The following PDE4D variants were observed in gnomAD, a reference collection of about 807,000 sequenced individuals.
PDE4D encodes phosphodiesterase 4D.
In PDE4D, 24 loss-of-function variants were observed where a neutral mutation model predicts 87.4. The ratio of observed to expected loss-of-function variants is 0.27; its 90% confidence interval spans 0.20 to 0.39. PDE4D has a LOEUF of 0.39. Ranked by LOEUF, PDE4D falls within the 10% of genes least tolerant of loss-of-function variation. The probability of loss-of-function intolerance (pLI) is 1.00; values close to 1 mark genes in which losing one functional copy is unlikely to be tolerated. For synonymous variants in PDE4D, 384 were observed against 383.2 expected (o/e 1.00, Z -0.02); for missense variants, 714 against 1,041.0 (o/e 0.69, Z 4.32).
At position 58,975,621 on chromosome 5, in the gene PDE4D, C is replaced by T. The variant is rs540410551; in HGVS notation, c.2013+36G>A. 2.8e-6 allele frequency: 4 copies of T among 1,446,668 alleles called. No homozygotes were observed. The highest frequency in any genetic ancestry group is 3.7e-6 in the Non-Finnish European group (4 of 1,083,156). 89.6% of individuals were successfully genotyped at this position (1,446,668 alleles called of 1,614,324 possible). A position where few individuals can be genotyped will look rare whatever the true frequency, so the allele number is the denominator to read the frequency against. ...GTAACCAAATGCTAAAGCGGTAGCT[C>T]TGTTCTCTCTGAAAGCTATACACTT... On this transcript the variant is annotated intron_variant, in intron 14 of 14. Coordinates refer to ENST00000340635, the MANE Select transcript of PDE4D (RefSeq NM_001104631.2). This position sits in a 1 kb window ranked among gnomAD's most constrained non-coding sequence, Gnocchi z 4.2.
intron 1 of PDE4D, chr5:59,529,220 G>A (rs1204480059): frequency 2.1e-6 from 1 of 487,598 alleles, no homozygotes. Flanking sequence ...ATCCAGGAAG[G>A]AAAATTGGAT....
chr5:59,930,176 A>AAC (rs1234545774), intron 3 of PDE4D, among the ~76,000 whole-genome samples: 3 of 151,766 alleles, frequency 2.0e-5, no homozygotes, highest in African/African-American at 7.3e-5. Flanking sequence ...AAAAAAAAAA[A>AAC]AAAAAAAAAA....
At chr5:60,298,778 C>T (rs1045003645) in intron 1 of PDE4D, among the ~76,000 whole-genome samples, 10 of 152,166 alleles carry the variant, frequency 6.6e-5, no homozygotes, top group Admixed American at 2.0e-4. Flanking sequence ...ATTTTCTATA[C>T]GACCTTTGCA....
intron 1 of PDE4D, among the ~76,000 whole-genome samples, chr5:59,325,065 A>G (rs1404033793): frequency 6.6e-6 from 1 of 152,130 alleles, no homozygotes; most frequent in African/African-American, 2.4e-5. Context: ...ATGGAACAGT[A>G]ATAGCCTTTT....
At chr5:59,808,778 T>G (rs1768017943) in intron 1 of PDE4D, among the ~76,000 whole-genome samples, 1 of 152,218 alleles carries the variant, frequency 6.6e-6, no homozygotes, top group East Asian at 1.9e-4. Flanking sequence ...TTGAACTGTG[T>G]GCATTCTCTT....
chr5:59,082,960 C>T (rs937442559), intron 5 of PDE4D, among the ~76,000 whole-genome samples: 2 of 152,084 alleles, frequency 1.3e-5, no homozygotes, highest in African/African-American at 4.8e-5. Flanking sequence ...GGTTCCAATG[C>T]TCTTTGTATC....
At chr5:59,187,014 C>T (rs1743069277) in intron 3 of PDE4D, among the ~76,000 whole-genome samples, 1 of 152,136 alleles carries the variant, frequency 6.6e-6, no homozygotes, top group African/African-American at 2.4e-5. Context: ...ATCATTGCAC[C>T]AGCTAATTGA....
intron 1 of PDE4D, among the ~76,000 whole-genome samples, chr5:60,519,125 G>T (rs1264161902): frequency 6.6e-6 from 1 of 152,204 alleles, no homozygotes; most frequent in Non-Finnish European, 1.5e-5. Flanking sequence ...CAGAGGGCTA[G>T]CTATTACTAA....
chr5:59,771,492 AG>A (rs1561637627), intron 1 of PDE4D, among the ~76,000 whole-genome samples: 3,257 of 83,098 alleles, frequency 0.039, 69 homozygotes, highest in African/African-American at 0.078. Flanking sequence ...AAAGAGAGAG[AG>A]AGAGAGAAGA....
chr5:60,216,675 CAA>C (rs1158348579), intron 1 of PDE4D, among the ~76,000 whole-genome samples: 1 of 151,710 alleles, frequency 6.6e-6, no homozygotes, highest in Non-Finnish European at 1.5e-5. Flanking sequence ...AACTTTAAAT[CAA>C]AAAAACTGCA....
intron 1 of PDE4D, among the ~76,000 whole-genome samples, chr5:60,386,201 G>A (rs774414110): frequency 1.7e-4 from 26 of 151,786 alleles, no homozygotes; most frequent in African/African-American, 1.5e-4. Context: ...CCTTTAGTAC[G>A]TGCTTTAAAA....
In PDE4D at chr5:58,975,434, G is replaced by A. The variant is rs1481136055; in HGVS notation, c.2013+223C>T. Among the ~76,000 whole-genome samples the A allele has an allele frequency of 1.3e-5, 2 of 152,114 alleles. No individual in the cohort carries two copies. The highest frequency in any genetic ancestry group is 2.9e-5 in the Non-Finnish European group (2 of 68,024). On this transcript the variant is annotated intron_variant, in intron 14 of 14. Coordinates refer to ENST00000340635, the MANE Select transcript of PDE4D (RefSeq NM_001104631.2). The surrounding 1 kb of genome is among the most constrained non-coding windows in gnomAD (Gnocchi z 4.2). Reference sequence around the variant, plus strand: ...TATATGAATATATTAAATGAATATAGTCATAATAAATGAATATGTCTTTAG... The same window carrying A: ...TATATGAATATATTAAATGAATATAATCATAATAAATGAATATGTCTTTAG...
intron 1 of PDE4D, among the ~76,000 whole-genome samples, chr5:59,385,201 T>C (rs1439377094): frequency 6.6e-6 from 1 of 152,194 alleles, no homozygotes; most frequent in Non-Finnish European, 1.5e-5. Context: ...TAAGCATTCT[T>C]TCTGTTATTT....
intron 5 of PDE4D, among the ~76,000 whole-genome samples, chr5:59,066,023 C>CGGATG (rs1363558682): frequency 1.3e-5 from 2 of 152,112 alleles, no homozygotes; most frequent in African/African-American, 4.8e-5. Flanking sequence ...CCCAATTTTT[C>CGGATG]CTGCTTGCTT....
chr5:59,745,024 T>C (rs1261400140), intron 1 of PDE4D, among the ~76,000 whole-genome samples: 2 of 152,202 alleles, frequency 1.3e-5, no homozygotes, highest in Non-Finnish European at 2.9e-5. Context: ...AAAATCTGTA[T>C]TTCCATTGAT....
chr5:59,677,297 G>A (rs922376753), intron 1 of PDE4D, among the ~76,000 whole-genome samples: 8 of 152,000 alleles, frequency 5.3e-5, no homozygotes, highest in South Asian at 2.1e-4. Flanking sequence ...TAATTTATAC[G>A]CCATCCATAT....
chr5:59,715,547 T>G (rs1754889927), intron 1 of PDE4D, among the ~76,000 whole-genome samples: 1 of 151,746 alleles, frequency 6.6e-6, no homozygotes, highest in Non-Finnish European at 1.5e-5. Flanking sequence ...GCAATATGAA[T>G]GGTGATCACC....
chr5:59,078,652 G>T (rs1053238345), intron 5 of PDE4D, among the ~76,000 whole-genome samples: 1 of 151,964 alleles, frequency 6.6e-6, no homozygotes, highest in Admixed American at 6.6e-5. Context: ...GGAACTACAG[G>T]CACATGCCAC....
At chr5:60,298,603 T>A (rs1321697050) in intron 1 of PDE4D, among the ~76,000 whole-genome samples, 2 of 152,210 alleles carry the variant, frequency 1.3e-5, no homozygotes, top group Non-Finnish European at 2.9e-5. Flanking sequence ...CTTAACTTCC[T>A]TCTGTGTTTT....
Sources: gnomAD v4.1 joint callset for allele counts (sites outside exome capture counted in the v4.1 genomes callset) on GRCh38, gnomAD v4.1.1 for gene constraint, Gnocchi (gnomAD v3.1) non-coding constraint, MANE v1.5 for transcripts, NCBI Gene and HGNC (gene_info 2026-07-23, HGNC 2026-07-21) for gene names.